GABBR2: variants seen among roughly 807,000 people sequenced by gnomAD.
GABBR2 encodes the protein G-protein coupled receptor 51.
In GABBR2, 23 loss-of-function variants were observed where a neutral mutation model predicts 105.6. The ratio of observed to expected loss-of-function variants is 0.22; its 90% CI spans 0.16 to 0.31. The LOEUF is 0.31. Among genes scored for constraint, GABBR2 ranks in the 10% least tolerant of loss-of-function variants. The pLI is 1.00. For missense variants in GABBR2, 734 were observed against 1,245.5 expected (o/e 0.59, Z 6.18); for synonymous variants, 478 against 499.7 (o/e 0.96, Z 0.58).
At chr9:98,369,197 C>T (rs541241729) in intron 12 of GABBR2, among the ~76,000 whole-genome samples, 85 of 152,284 alleles carry the variant, frequency 5.6e-4, no homozygotes, top group Middle Eastern at 3.4e-3. Context: ...TAAATGCTGC[C>T]GGGGCCCAGA....
chr9:98,652,087 T>A (rs2131846544), intron 1 of GABBR2, among the ~76,000 whole-genome samples: 1 of 152,338 alleles, frequency 6.6e-6, no homozygotes, highest in South Asian at 2.1e-4. Flanking sequence ...GTCTACTATA[T>A]GTTTGTAAGT....
chr9:98,384,981 T>C (rs1832045682), intron 11 of GABBR2, among the ~76,000 whole-genome samples: 1 of 152,154 alleles, frequency 6.6e-6, no homozygotes, highest in African/African-American at 2.4e-5. Flanking sequence ...AAATAACAAT[T>C]ATAGCTTTTA....
At chr9:98,706,586 C>A (rs1201428261) in intron 1 of GABBR2, among the ~76,000 whole-genome samples, 1 of 152,168 alleles carries the variant, frequency 6.6e-6, no homozygotes, top group Non-Finnish European at 1.5e-5. Context: ...AAGGCTTCAA[C>A]CCACACCCTG....
Position 98,432,054 on chromosome 9 carries a change from C to T in GABBR2, c.1236+21927G>A, listed in dbSNP as rs1023896760. Among the ~76,000 whole-genome samples the T allele has an allele frequency of 2.6e-5, 4 of 152,198 alleles. No homozygotes were observed. The South Asian group carries it at 8.3e-4, about 32-fold the overall frequency. ...GGGACTACAGGCATGTGCTACCACG[C>T]CCAGCTAATTTTTGTATTTTTAGTA... On this transcript the variant is annotated intron_variant, in intron 7 of 18. Coordinates refer to ENST00000259455, the MANE Select transcript of GABBR2 (RefSeq NM_005458.8).
intron 3 of GABBR2, among the ~76,000 whole-genome samples, chr9:98,521,278 C>G (rs537503273): frequency 6.6e-6 from 1 of 152,270 alleles, no homozygotes; most frequent in African/African-American, 2.4e-5. Flanking sequence ...AGATTGAAGA[C>G]TGACTCATGG....
intron 8 of GABBR2, among the ~76,000 whole-genome samples, chr9:98,398,675 C>G (rs1337830954): frequency 6.6e-6 from 1 of 152,144 alleles, no homozygotes; most frequent in Non-Finnish European, 1.5e-5. Flanking sequence ...TGCTCTTCCC[C>G]AGGATGAACA....
intron 13 of GABBR2, among the ~76,000 whole-genome samples, chr9:98,330,550 A>G (rs768494010): frequency 2.0e-5 from 3 of 152,208 alleles, no homozygotes; most frequent in Non-Finnish European, 2.9e-5. Context: ...AACAGATACT[A>G]CAGGTATTGG....
intron 1 of GABBR2, among the ~76,000 whole-genome samples, chr9:98,693,079 C>T (rs1231522531): frequency 2.6e-5 from 4 of 152,200 alleles, no homozygotes; most frequent in Non-Finnish European, 5.9e-5. Context: ...GTTCCTCACC[C>T]GGACACCTCG....
chr9:98,341,061 G>C (rs1831204582), intron 13 of GABBR2, among the ~76,000 whole-genome samples: 1 of 152,228 alleles, frequency 6.6e-6, no homozygotes, highest in East Asian at 1.9e-4. Context: ...CTGTGGCTCT[G>C]TCTTTTGTGA....
chr9:98,472,020 G>A (rs1826693846), intron 6 of GABBR2, among the ~76,000 whole-genome samples: 1 of 152,088 alleles, frequency 6.6e-6, no homozygotes, highest in Non-Finnish European at 1.5e-5. Context: ...TTGACAAATC[G>A]ATAAATCATT....
At chr9:98,386,287 G>A (rs1224987121) in intron 10 of GABBR2, among the ~76,000 whole-genome samples, 1 of 147,284 alleles carries the variant, frequency 6.8e-6, no homozygotes, top group Non-Finnish European at 1.5e-5. Context: ...CTTCAGCCAC[G>A]TTCCCCACAG....
intron 11 of GABBR2, among the ~76,000 whole-genome samples, chr9:98,374,587 C>T (rs867875142): frequency 1.6e-4 from 25 of 152,286 alleles, no homozygotes; most frequent in African/African-American, 3.9e-4. Flanking sequence ...AATTTTGTTA[C>T]ATAGTAGGCA....
At chr9:98,662,926 C>G (rs1244051009) in intron 1 of GABBR2, among the ~76,000 whole-genome samples, 1 of 152,150 alleles carries the variant, frequency 6.6e-6, no homozygotes, top group Non-Finnish European at 1.5e-5. Context: ...GCGACCCAGA[C>G]AGCATGTCCC....
chr9:98,686,671 C>T (rs1428007218), intron 1 of GABBR2, among the ~76,000 whole-genome samples: 1 of 152,198 alleles, frequency 6.6e-6, no homozygotes, highest in East Asian at 1.9e-4. Context: ...GCTGGGATTA[C>T]AGGCCTGAGC....
chr9:98,483,931 C>A (rs533397548), intron 4 of GABBR2, among the ~76,000 whole-genome samples: 27 of 152,220 alleles, frequency 1.8e-4, no homozygotes, highest in Non-Finnish European at 3.1e-4. Flanking sequence ...GCTCCCAGAA[C>A]AGGGCGCTAC....
intron 13 of GABBR2, among the ~76,000 whole-genome samples, chr9:98,347,533 T>C (rs964372912): frequency 2.0e-5 from 3 of 152,240 alleles, no homozygotes; most frequent in Admixed American, 1.3e-4. Context: ...GTCTCTTCAC[T>C]CTGTTGATTG....
intron 3 of GABBR2, among the ~76,000 whole-genome samples, chr9:98,499,898 A>G (rs1827366261): frequency 6.6e-6 from 1 of 152,102 alleles, no homozygotes; most frequent in African/African-American, 2.4e-5. Flanking sequence ...CTAAAAGTAT[A>G]AAAATTAGCC....
rs1830632426 is a variant in GABBR2, at chr9:98,311,279, C to A, written c.1894-74G>T. ...CAGCAACTGGGTCCTTATCTGAGAG[C>A]CCTTTTCCCTCCTGTGAGCCATAGC... On this transcript the variant is annotated intron_variant, in intron 13 of 18. Coordinates refer to ENST00000259455, the MANE Select transcript of GABBR2 (RefSeq NM_005458.8). 1.3e-5 allele frequency: 11 copies of A among 871,524 alleles called. No individual in the cohort carries two copies. The South Asian group carries it at 1.5e-4, about 12-fold the overall frequency. 54.0% of individuals were successfully genotyped at this position (871,524 alleles called of 1,614,324 possible).
At chr9:98,338,657 G>A (rs112975468) in intron 13 of GABBR2, among the ~76,000 whole-genome samples, 5,361 of 152,274 alleles carry the variant, frequency 0.035, 140 homozygotes, top group Non-Finnish European at 0.057. Flanking sequence ...GGAGAAATTG[G>A]AACCCTCATA....
Sources: allele counts gnomAD v4.1 joint callset (sites outside exome capture counted in the v4.1 genomes callset), GRCh38; gene constraint gnomAD v4.1.1; transcripts MANE v1.5; gene names NCBI Gene and HGNC (gene_info 2026-07-23, HGNC 2026-07-21).